TUSC3: variants seen among roughly 807,000 people sequenced by gnomAD.
The protein encoded by TUSC3 is tumor suppressor candidate 3, also known as dolichyl-diphosphooligosaccharide--protein glycosyltransferase subunit TUSC3.
TUSC3 carries 45 observed loss-of-function variants against 44.8 expected under a neutral mutation model. The observed-to-expected ratio is 1.00, with a 90% CI of 0.79 to 1.29. The LOEUF (loss-of-function observed/expected upper bound fraction) is 1.29. Among genes scored for constraint, TUSC3 ranks in the 50% most tolerant of loss-of-function variants. The probability of loss-of-function intolerance (pLI) is 0.00; values close to 1 mark genes in which losing one functional copy is unlikely to be tolerated. For missense variants in TUSC3, 519 were observed against 437.9 expected (o/e 1.19, Z -1.65); for synonymous variants, 212 against 152.9 (o/e 1.39, Z -2.85).
At chr8:15,741,126 T>G (rs1163258981) in intron 7 of TUSC3, among the ~76,000 whole-genome samples, 1 of 110,992 alleles carries the variant, frequency 9.0e-6, no homozygotes, top group East Asian at 2.9e-4. Context: ...GTTCATGGCT[T>G]TGTGTGTGTA....
the TUSC3 span, among the ~76,000 whole-genome samples, chr8:15,777,135 T>G: frequency 2.6e-5 from 4 of 152,186 alleles, no homozygotes; most frequent in African/African-American, 4.8e-5. Flanking sequence ...TGGCCTCCTC[T>G]TAGACTCTGG....
intron 2 of TUSC3, among the ~76,000 whole-genome samples, chr8:15,523,708 G>GTATATATATATATATATATATATATATA (rs71211051): frequency 1.6e-4 from 18 of 112,476 alleles, no homozygotes; most frequent in African/African-American, 6.3e-4. Context: ...GTGTGTGTGT[G>GTATATATATATATATATATATATATATA]TATATATATA....
upstream of TUSC3, among the ~76,000 whole-genome samples, chr8:15,537,292 C>T (rs1374957840): frequency 1.3e-5 from 2 of 152,160 alleles, no homozygotes; most frequent in Non-Finnish European, 2.9e-5. Context: ...TTAATTTTAT[C>T]CATAGCCTGG....
intron 2 of TUSC3, among the ~76,000 whole-genome samples, chr8:15,519,171 C>T (rs1045619053): frequency 6.6e-6 from 1 of 152,068 alleles, no homozygotes; most frequent in Non-Finnish European, 1.5e-5. Flanking sequence ...ATGGAGAAGT[C>T]ATGATTTTGA....
the TUSC3 span, among the ~76,000 whole-genome samples, chr8:15,801,688 T>G: frequency 2.0e-5 from 3 of 152,254 alleles, no homozygotes; most frequent in South Asian, 4.1e-4. Context: ...GTGAGAGCTG[T>G]ATGGGGCTGG....
chr8:15,649,861 G>C (rs186499825), intron 2 of TUSC3, among the ~76,000 whole-genome samples: 5 of 152,172 alleles, frequency 3.3e-5, no homozygotes, highest in East Asian at 3.9e-4. Flanking sequence ...TTGGGGAGAG[G>C]GGGGAGATAA....
At chr8:15,731,423 A>G (rs559000904) in intron 7 of TUSC3, among the ~76,000 whole-genome samples, 1 of 152,244 alleles carries the variant, frequency 6.6e-6, no homozygotes, top group South Asian at 2.1e-4. Flanking sequence ...TTGATTACTA[A>G]TATCCTGGTT....
At chr8:15,831,102 C>G in the TUSC3 span, among the ~76,000 whole-genome samples, 5 of 152,078 alleles carry the variant, frequency 3.3e-5, no homozygotes, top group African/African-American at 1.2e-4. Flanking sequence ...CATTGTATTC[C>G]TAACCTTGAG....
Position 15,673,801 on chromosome 8 carries a change from C to T in TUSC3, c.763C>T (p.Pro255Ser). ...GATGTGGAACCATATCCGTGGACCT[C>T]CATATGCTCATAAGAACCCACACAA... ...GQMWNHIRGP[P>S]YAHKNPHNGQ... The change falls in exon 6 of 11, where the codon CCA (proline) becomes TCA (serine). Residue 255 changes from proline (P) to serine (S), a missense_variant. Physicochemically the swap from Pro to Ser is moderately conservative, Grantham distance 74. Coordinates refer to ENST00000503731, the MANE Select transcript of TUSC3 (RefSeq NM_006765.4). The T allele has an allele frequency of 1.9e-6, 3 of 1,612,684 alleles. No homozygotes were observed. The East Asian group carries it at 6.7e-5, about 36-fold the overall frequency.
the TUSC3 span, among the ~76,000 whole-genome samples, chr8:15,829,289 T>A: frequency 6.6e-6 from 1 of 152,216 alleles, no homozygotes; most frequent in African/African-American, 2.4e-5. Context: ...AAACGTTTGA[T>A]AAAGTTTTTG....
chr8:15,565,383 C>G (rs1309149740), intron 1 of TUSC3, among the ~76,000 whole-genome samples: 2 of 152,100 alleles, frequency 1.3e-5, no homozygotes, highest in Non-Finnish European at 2.9e-5. Flanking sequence ...TTAGTCACAT[C>G]TTGTGTCAGG....
chr8:15,602,951 C>T (rs193080009), intron 1 of TUSC3, among the ~76,000 whole-genome samples: 2 of 151,354 alleles, frequency 1.3e-5, no homozygotes, highest in African/African-American at 4.8e-5. Flanking sequence ...AGATATTTTA[C>T]GATATCAAGG....
chr8:15,713,575 C>G (rs534278304), intron 6 of TUSC3, among the ~76,000 whole-genome samples: 17 of 152,092 alleles, frequency 1.1e-4, no homozygotes, highest in Middle Eastern at 3.2e-3. Flanking sequence ...GATTACGAAG[C>G]CTACACACAT....
chr8:15,620,136 A>G lies in TUSC3; in HGVS notation c.139-2944A>G, dbSNP rs139362167. ...CTTGGAAGTGTGTGTGCATATGTGT[A>G]CACCATAAAGAGATAGAAGATGAAT... On this transcript the variant is annotated intron_variant, in intron 1 of 10. Coordinates refer to ENST00000503731, the MANE Select transcript of TUSC3 (RefSeq NM_006765.4). Among the ~76,000 whole-genome samples, 460 of 152,328 alleles carry G rather than the reference A, an allele frequency of 3.0e-3. 2 individuals are homozygous for G. The highest frequency in any genetic ancestry group is 9.8e-3 in the African/African-American group (409 of 41,570).
rs1017962228 is a variant in TUSC3 at position 15,628,003 on chromosome 8, C to T, written c.308+4754C>T. Among the ~76,000 whole-genome samples the T allele has an allele frequency of 3.3e-5, 5 of 152,068 alleles. No individual in the cohort carries two copies. In the East Asian group the frequency reaches 5.8e-4, roughly 18 times the overall value. On this transcript the variant is annotated intron_variant, in intron 2 of 10. Coordinates refer to ENST00000503731, the MANE Select transcript of TUSC3 (RefSeq NM_006765.4). The stretch of plus-strand genomic sequence containing the variant: ...TGGCGAAGCGACACCCCAAGGATCC[C>T]GTAACATTAAGGGATGCTATAAAGC...
At chr8:15,687,009 C>T (rs955308255) in intron 6 of TUSC3, among the ~76,000 whole-genome samples, 9 of 152,036 alleles carry the variant, frequency 5.9e-5, no homozygotes, top group African/African-American at 2.4e-5. Context: ...GGAGGCGGAG[C>T]TTGCAGTGAG....
intron 1 of TUSC3, among the ~76,000 whole-genome samples, chr8:15,473,625 A>G (rs528754399): frequency 3.3e-5 from 5 of 152,198 alleles, no homozygotes; most frequent in Non-Finnish European, 5.9e-5. Flanking sequence ...CGGGGGTGAC[A>G]TCATATATCG....
chr8:15,535,514 G>A (rs192165245), upstream of TUSC3, among the ~76,000 whole-genome samples: 1 of 152,244 alleles, frequency 6.6e-6, no homozygotes, highest in African/African-American at 2.4e-5. Context: ...ACATTCTAAT[G>A]GGAAAAGACA....
intron 9 of TUSC3, among the ~76,000 whole-genome samples, chr8:15,751,781 A>T (rs934120896): frequency 2.0e-5 from 3 of 152,184 alleles, no homozygotes; most frequent in African/African-American, 7.2e-5. Context: ...TAGATCTTTG[A>T]TCCTAAGAGA....
Sources: allele counts gnomAD v4.1 joint callset (sites outside exome capture counted in the v4.1 genomes callset), GRCh38; gene constraint gnomAD v4.1.1; transcripts MANE v1.5; gene names NCBI Gene and HGNC (gene_info 2026-07-23, HGNC 2026-07-21).